Variants in SASH1 observed in about 807,000 individuals in gnomAD.
SASH1 encodes SAM and SH3 domain containing 1.
SASH1 carries 44 observed loss-of-function variants against 125.2 expected under a neutral mutation model. That is an observed-to-expected ratio of 0.35 (90% CI 0.28 to 0.45). The LOEUF is 0.45. Among genes scored for constraint, SASH1 ranks in the 20% least tolerant of loss-of-function variants. The probability of loss-of-function intolerance (pLI) is 1.00; values close to 1 mark genes in which losing one functional copy is unlikely to be tolerated. For missense variants in SASH1, 1,426 were observed against 1,614.5 expected, an observed-to-expected ratio of 0.88 and a Z score of 2.00; for synonymous variants, 639 against 649.1, an observed-to-expected ratio of 0.98 and a Z score of 0.24.
intron 1 of SASH1, among the ~76,000 whole-genome samples, chr6:148,375,818 G>T (rs1782869315): frequency 6.6e-6 from 1 of 152,114 alleles, no homozygotes; most frequent in African/African-American, 2.4e-5. Flanking sequence ...TCAGAGTGTG[G>T]TATAGGATGA....
chr6:148,410,397 G>A (rs533120895), intron 2 of SASH1, among the ~76,000 whole-genome samples: 286 of 152,038 alleles, frequency 1.9e-3, no homozygotes, highest in Non-Finnish European at 2.8e-3. Flanking sequence ...AGCCCTCCCC[G>A]TAAGAAACTG....
intron 2 of SASH1, among the ~76,000 whole-genome samples, chr6:148,417,609 A>ATAAATAAAT (rs1562393672): frequency 6.6e-6 from 1 of 151,848 alleles, no homozygotes; most frequent in Non-Finnish European, 1.5e-5. Flanking sequence ...AAATAAATAA[A>ATAAATAAAT]AGAGCATGTA....
At chr6:148,538,718 C>T (rs776062751) in intron 16 of SASH1, among the ~76,000 whole-genome samples, 4 of 152,108 alleles carry the variant, frequency 2.6e-5, no homozygotes, top group Non-Finnish European at 5.9e-5. Context: ...TCTGCCTCCC[C>T]GCATTTTTAT....
Position 148,546,225 on chromosome 6 carries a change from A to C in SASH1, c.3480+79A>C, listed in dbSNP as rs1362621581. Reference sequence around the variant, plus strand: ...AGTGATGACCATACTAACAACTGCCAAGTAGGCAAGGGCTTGCGTAGCTAT... The same window carrying C: ...AGTGATGACCATACTAACAACTGCCCAGTAGGCAAGGGCTTGCGTAGCTAT... On this transcript the variant is annotated intron_variant, in intron 19 of 19. Coordinates refer to ENST00000367467, the MANE Select transcript of SASH1 (RefSeq NM_015278.5). 5.9e-6 allele frequency: 9 copies of C among 1,520,042 alleles called. No homozygotes were observed. In the South Asian group the frequency reaches 1.0e-4, roughly 17 times the overall value. 94.2% of individuals were successfully genotyped at this position (1,520,042 alleles called of 1,614,324 possible). A position where few individuals can be genotyped will look rare whatever the true frequency, so the allele number is the denominator to read the frequency against.
chr6:148,295,285 T>A (rs1485835022), intron 1 of SASH1, among the ~76,000 whole-genome samples: 1 of 152,140 alleles, frequency 6.6e-6, no homozygotes, highest in Non-Finnish European at 1.5e-5. Flanking sequence ...TACAGAGGCA[T>A]TTTCAGCACT....
At chr6:148,387,613 T>TTTCTTTCTTTCTTTC (rs1783476657) in intron 1 of SASH1, among the ~76,000 whole-genome samples, 1 of 34,522 alleles carries the variant, frequency 2.9e-5, no homozygotes, top group African/African-American at 1.4e-4. Flanking sequence ...TCTTTCTTTC[T>TTTCTTTCTTTCTTTC]TTCTTTCTTT....
chr6:148,351,185 A>T, intron 1 of SASH1, among the ~76,000 whole-genome samples: 1 of 131,490 alleles, frequency 7.6e-6, no homozygotes. Flanking sequence ...CCTTTCTGCG[A>T]TAGTAGTTTT....
chr6:148,347,893 A>G (rs967885445), intron 1 of SASH1, among the ~76,000 whole-genome samples: 5 of 152,226 alleles, frequency 3.3e-5, no homozygotes, highest in Non-Finnish European at 5.9e-5. Flanking sequence ...GAGGGCTTCC[A>G]GGTGTAAAAG....
intron 1 of SASH1, among the ~76,000 whole-genome samples, chr6:148,310,416 C>A (rs1338657062): frequency 9.6e-6 from 1 of 103,772 alleles, no homozygotes; most frequent in Non-Finnish European, 1.9e-5. Flanking sequence ...AATAGGACAT[C>A]CATATGTGAA....
intron 2 of SASH1, among the ~76,000 whole-genome samples, chr6:148,423,642 G>A (rs1775672249): frequency 6.6e-6 from 1 of 152,140 alleles, no homozygotes; most frequent in African/African-American, 2.4e-5. Flanking sequence ...TAACATGAAA[G>A]CCTTTAATTT....
At chr6:148,240,540 G>T in the SASH1 span, among the ~76,000 whole-genome samples, 5 of 152,088 alleles carry the variant, frequency 3.3e-5, no homozygotes, top group Non-Finnish European at 5.9e-5. Context: ...CTTGTTGCTG[G>T]CTCTTTGGCA....
chr6:148,316,359 T>G (rs1185880951), intron 1 of SASH1, among the ~76,000 whole-genome samples: 3 of 152,186 alleles, frequency 2.0e-5, no homozygotes, highest in Admixed American at 6.5e-5. Context: ...GCACTGAATA[T>G]GAAGGGAGCC....
the SASH1 span, among the ~76,000 whole-genome samples, chr6:148,224,287 C>CA: frequency 2.7e-5 from 4 of 150,688 alleles, no homozygotes; most frequent in African/African-American, 7.3e-5. Context: ...CTCCAAGCAA[C>CA]AAAAAAAAGT....
At chr6:148,224,605 T>C in the SASH1 span, among the ~76,000 whole-genome samples, 12 of 152,066 alleles carry the variant, frequency 7.9e-5, no homozygotes. Flanking sequence ...AAGTGATCCG[T>C]TCTCCTGGGC....
chr6:148,297,906 GT>G (rs1417937713), intron 1 of SASH1, among the ~76,000 whole-genome samples: 1 of 152,028 alleles, frequency 6.6e-6, no homozygotes, highest in African/African-American at 2.4e-5. Flanking sequence ...ACCACTCTTG[GT>G]AAAAATTAGT....
chr6:148,476,077 A>G (rs1378783155), intron 7 of SASH1, among the ~76,000 whole-genome samples: 1 of 152,086 alleles, frequency 6.6e-6, no homozygotes, highest in African/African-American at 2.4e-5. Flanking sequence ...ATTAGAACTG[A>G]TAAGTAAAGT....
intron 4 of SASH1, among the ~76,000 whole-genome samples, chr6:148,449,078 C>CTTTTTCTTTTTCTTTTTTTTTTTTT: frequency 6.0e-4 from 53 of 88,694 alleles, no homozygotes; most frequent in East Asian, 1.2e-3. Context: ...CATTTCATTT[C>CTTTTTCTTTTTCTTTTTTTTTTTTT]TTTTTTTTTT....
intron 1 of SASH1, among the ~76,000 whole-genome samples, chr6:148,371,256 T>C (rs1260035768): frequency 6.6e-6 from 1 of 152,060 alleles, no homozygotes; most frequent in Non-Finnish European, 1.5e-5. Flanking sequence ...TTCTGAATTA[T>C]ATCTATGGAG....
chr6:148,540,957 G>A (rs945539302), intron 17 of SASH1, among the ~76,000 whole-genome samples: 13 of 152,162 alleles, frequency 8.5e-5, no homozygotes, highest in African/African-American at 2.9e-4. Context: ...AGTTACTGCA[G>A]GAGAGAAGGA....
Sources: allele counts gnomAD v4.1 joint callset (sites outside exome capture counted in the v4.1 genomes callset), GRCh38; gene constraint gnomAD v4.1.1; transcripts MANE v1.5; gene names NCBI Gene and HGNC (gene_info 2026-07-23, HGNC 2026-07-21).